Variants in SLC4A4 observed in about 807,000 individuals in gnomAD.
The protein encoded by SLC4A4 is electrogenic sodium bicarbonate cotransporter 1.
Under a neutral mutation model 111.5 loss-of-function variants are expected in SLC4A4, and 27 were observed. The observed-to-expected ratio is 0.24, with a 90% confidence interval of 0.18 to 0.33. The LOEUF is 0.33. SLC4A4 is among the 10% of genes least tolerant of loss of function. SLC4A4 has a pLI of 1.00. For missense variants in SLC4A4, 909 were observed against 1,315.5 expected, an observed-to-expected ratio of 0.69 and a Z score of 4.78; for synonymous variants, 443 against 463.4, an observed-to-expected ratio of 0.96 and a Z score of 0.57.
At chr4:71,318,236 A>G (rs1047955023) in intron 3 of SLC4A4, among the ~76,000 whole-genome samples, 3 of 152,098 alleles carry the variant, frequency 2.0e-5, no homozygotes, top group African/African-American at 7.2e-5. Flanking sequence ...CTCATTTTAA[A>G]TAGTAATAGA....
intron 2 of SLC4A4, among the ~76,000 whole-genome samples, chr4:71,169,323 T>C (rs1007607948): frequency 2.0e-5 from 3 of 152,080 alleles, no homozygotes; most frequent in Non-Finnish European, 4.4e-5. Context: ...CCTCTATTTT[T>C]ATTTTTTTGA....
chr4:71,090,897 A>G (rs1316960236), intron 1 of SLC4A4, among the ~76,000 whole-genome samples: 4 of 152,226 alleles, frequency 2.6e-5, no homozygotes, highest in Admixed American at 6.5e-5. Flanking sequence ...ACTGAATACA[A>G]GGAGAATTCA....
intron 3 of SLC4A4, among the ~76,000 whole-genome samples, chr4:71,293,341 A>G (rs1724529400): frequency 6.6e-6 from 1 of 151,512 alleles, no homozygotes; most frequent in Non-Finnish European, 1.5e-5. Flanking sequence ...AGCCAGGTGG[A>G]TCACCTGAGG....
At chr4:71,485,588 T>C (rs1312784441) in intron 14 of SLC4A4, among the ~76,000 whole-genome samples, 4 of 151,492 alleles carry the variant, frequency 2.6e-5, no homozygotes, top group Non-Finnish European at 5.9e-5. Context: ...ATAATGCACA[T>C]GTACTTGCTT....
chr4:71,178,598 A>T (rs1406785458), intron 2 of SLC4A4, among the ~76,000 whole-genome samples: 1 of 152,230 alleles, frequency 6.6e-6, no homozygotes, highest in East Asian at 1.9e-4. Context: ...TAAACTAGAA[A>T]ATCTAGAAGA....
At chr4:71,160,203 G>A (rs1010551270) in intron 2 of SLC4A4, among the ~76,000 whole-genome samples, 1 of 103,710 alleles carries the variant, frequency 9.6e-6, no homozygotes, top group African/African-American at 4.2e-5. Flanking sequence ...CATGTAGTCT[G>A]ATTCTATAGT....
intron 3 of SLC4A4, among the ~76,000 whole-genome samples, chr4:71,328,775 T>G (rs1472495285): frequency 2.6e-5 from 4 of 152,136 alleles, no homozygotes; most frequent in Non-Finnish European, 1.5e-5. Context: ...TGGTTGTCTC[T>G]TCACTTTGTT....
At chr4:71,528,950 A>G (rs954601800) in intron 16 of SLC4A4, among the ~76,000 whole-genome samples, 2 of 152,026 alleles carry the variant, frequency 1.3e-5, no homozygotes, top group African/African-American at 4.8e-5. Flanking sequence ...TTCTTTTTTC[A>G]TTATTTTTTC....
intron 2 of SLC4A4, among the ~76,000 whole-genome samples, chr4:71,239,825 G>A (rs949135962): frequency 2.6e-5 from 4 of 152,102 alleles, no homozygotes; most frequent in South Asian, 2.1e-4. Context: ...TGTACTATGC[G>A]TGGTTTTAAA....
At chr4:71,178,732 A>G (rs1180438128) in intron 2 of SLC4A4, among the ~76,000 whole-genome samples, 1 of 152,182 alleles carries the variant, frequency 6.6e-6, no homozygotes, top group Non-Finnish European at 1.5e-5. Flanking sequence ...CAACCAAAAA[A>G]GTCCAGGACC....
intron 2 of SLC4A4, among the ~76,000 whole-genome samples, chr4:71,096,570 T>A (rs573625431): frequency 6.6e-6 from 1 of 152,172 alleles, no homozygotes; most frequent in East Asian, 1.9e-4. Context: ...AAATCGTTAG[T>A]GCAAAAAATC....
At chr4:71,251,740 C>T (rs971262394) in intron 2 of SLC4A4, among the ~76,000 whole-genome samples, 6 of 152,138 alleles carry the variant, frequency 3.9e-5, no homozygotes, top group African/African-American at 7.2e-5. Context: ...ACATTTAAAA[C>T]GATCACTTCT....
At chr4:71,319,590 T>G (rs1223271790) in intron 3 of SLC4A4, among the ~76,000 whole-genome samples, 1 of 152,004 alleles carries the variant, frequency 6.6e-6, no homozygotes, top group Non-Finnish European at 1.5e-5. Context: ...TATTGAAAAT[T>G]TGTTGGTATT....
chr4:71,137,122 G>C lies in SLC4A4; in HGVS notation c.-2+44330G>C, dbSNP rs1197290615. On this transcript the variant is annotated intron_variant, in intron 2 of 26. Coordinates refer to the SLC4A4 transcript ENST00000649996. ...TGGAGCAGATCTCTATTACTGATAA[G>C]ATTAGCTCTGCCCCAGACTCCACTG... Among the ~76,000 whole-genome samples, 4 of 152,074 alleles carry C rather than the reference G, an allele frequency of 2.6e-5. No individual in the cohort carries two copies. In the South Asian group the frequency reaches 6.2e-4, roughly 24 times the overall value.
intron 13 of SLC4A4, among the ~76,000 whole-genome samples, chr4:71,472,153 C>T (rs1354485065): frequency 6.6e-6 from 1 of 151,916 alleles, no homozygotes. Flanking sequence ...CCTTGAACAC[C>T]TTGAATTTTT....
intron 1 of SLC4A4, among the ~76,000 whole-genome samples, chr4:71,226,494 G>A (rs2149027898): frequency 6.6e-6 from 1 of 152,254 alleles, no homozygotes; most frequent in East Asian, 1.9e-4. Flanking sequence ...ACATTTGAGA[G>A]TATAGTTATA....
chr4:71,426,562 T>G (rs914016897), intron 7 of SLC4A4, among the ~76,000 whole-genome samples: 7 of 152,098 alleles, frequency 4.6e-5, no homozygotes, highest in Admixed American at 4.6e-4. Context: ...ATTTCCAGAG[T>G]TTGATACTGT....
intron 3 of SLC4A4, among the ~76,000 whole-genome samples, chr4:71,333,921 C>G (rs1409042544): frequency 1.4e-5 from 2 of 146,330 alleles, no homozygotes; most frequent in Non-Finnish European, 3.1e-5. Flanking sequence ...GTGGGCTCTT[C>G]TCTGGCCCAG....
chr4:71,440,576 T>C (rs1271684678), intron 7 of SLC4A4, 40 bp from the exon 8 acceptor site: 1 of 1,613,200 alleles, frequency 6.2e-7, no homozygotes, highest in South Asian at 1.1e-5. Flanking sequence ...ACAGGAACCT[T>C]GTGGAACTAA....
Sources: gnomAD v4.1 joint callset for allele counts (sites outside exome capture counted in the v4.1 genomes callset) on GRCh38, gnomAD v4.1.1 for gene constraint, MANE v1.5 for transcripts, NCBI Gene and HGNC (gene_info 2026-07-23, HGNC 2026-07-21) for gene names.